ANKS1A: variants seen among roughly 807,000 people sequenced by gnomAD.
ANKS1A encodes ankyrin repeat and SAM domain-containing protein 1A.
A neutral mutation model predicts 120.3 loss-of-function variants in ANKS1A; 55 were observed. That is an observed-to-expected ratio of 0.46 (90% CI 0.37 to 0.57). The LOEUF (loss-of-function observed/expected upper bound fraction) is 0.57, where lower values mean the gene tolerates loss of function less well. Among genes scored for constraint, ANKS1A ranks in the 20% least tolerant of loss-of-function variants. ANKS1A has a pLI of 0.00. For missense variants in ANKS1A, 1,123 were observed against 1,480.3 expected (o/e 0.76, Z 3.96); for synonymous variants, 590 against 604.7 (o/e 0.98, Z 0.36).
intron 1 of ANKS1A, among the ~76,000 whole-genome samples, chr6:34,923,510 A>G (rs1022255429): frequency 6.6e-6 from 1 of 152,246 alleles, no homozygotes; most frequent in African/African-American, 2.4e-5. Flanking sequence ...AGGTACAGGC[A>G]GAAGAGCATT....
At chr6:35,067,889 T>TA (rs2024955117) in intron 13 of ANKS1A, among the ~76,000 whole-genome samples, 1 of 48,236 alleles carries the variant, frequency 2.1e-5, no homozygotes, top group Admixed American at 1.9e-4. Flanking sequence ...ATTTTCAATT[T>TA]TTTTTTTTTT....
chr6:34,955,598 T>C (rs1375012971), intron 1 of ANKS1A, among the ~76,000 whole-genome samples: 4 of 152,162 alleles, frequency 2.6e-5, no homozygotes, highest in Non-Finnish European at 5.9e-5. Flanking sequence ...TCTCCAGATA[T>C]GGTCTCTAGG....
intron 9 of ANKS1A, among the ~76,000 whole-genome samples, chr6:34,991,973 A>G (rs1206809965): frequency 6.6e-6 from 1 of 152,130 alleles, no homozygotes; most frequent in Non-Finnish European, 1.5e-5. Context: ...GGAAGGCTCA[A>G]AGAAAAGCAG....
intron 1 of ANKS1A, among the ~76,000 whole-genome samples, chr6:34,908,607 C>T (rs1767755233): frequency 6.6e-6 from 1 of 152,176 alleles, no homozygotes; most frequent in Non-Finnish European, 1.5e-5. Flanking sequence ...TATGTTGTGA[C>T]AGAATGATTA....
chr6:34,967,342 C>T, intron 2 of ANKS1A, 23 bp downstream of exon 2: 4 of 1,607,474 alleles, frequency 2.5e-6, no homozygotes, highest in Non-Finnish European at 3.4e-6. Flanking sequence ...GTACTACATT[C>T]CTGCCTTCAC....
At chr6:34,972,254 T>A (rs543661408) in intron 3 of ANKS1A, among the ~76,000 whole-genome samples, 2 of 152,240 alleles carry the variant, frequency 1.3e-5, no homozygotes, top group East Asian at 3.9e-4. Context: ...CCCAGCCCAG[T>A]GCTTTGAGTA....
chr6:35,055,163 C>T (rs1003399953), intron 12 of ANKS1A, among the ~76,000 whole-genome samples: 2 of 152,092 alleles, frequency 1.3e-5, no homozygotes, highest in East Asian at 1.9e-4. Flanking sequence ...CTGGTGGGGA[C>T]GGGCTGGGCT....
intron 13 of ANKS1A, chr6:35,071,103 T>C: frequency 3.1e-6 from 1 of 326,516 alleles, no homozygotes; most frequent in Non-Finnish European, 5.8e-6. Context: ...TTTCAACTAG[T>C]TGCCAATCAG....
intron 11 of ANKS1A, among the ~76,000 whole-genome samples, chr6:35,026,813 T>C (rs1774649261): frequency 6.6e-6 from 1 of 152,256 alleles, no homozygotes; most frequent in African/African-American, 2.4e-5. Flanking sequence ...TCTTTAGTCA[T>C]GATTGCTACC....
chr6:34,996,223 T>C (rs1421448893), intron 10 of ANKS1A, among the ~76,000 whole-genome samples: 1 of 152,208 alleles, frequency 6.6e-6, no homozygotes, highest in Non-Finnish European at 1.5e-5. Context: ...ATGTGATTAG[T>C]TACCATCCTT....
At chr6:34,917,041 A>G (rs1211041033) in intron 1 of ANKS1A, among the ~76,000 whole-genome samples, 4 of 152,206 alleles carry the variant, frequency 2.6e-5, no homozygotes, top group African/African-American at 9.6e-5. Flanking sequence ...CTTTATTTAG[A>G]CACACAAGTC....
chr6:34,982,003 G>A lies in ANKS1A; in HGVS notation c.732+17G>A. 1 of 1,612,066 alleles carries A rather than the reference G, an allele frequency of 6.2e-7. No homozygotes were observed. The highest frequency in any genetic ancestry group is 8.5e-7 in the Non-Finnish European group (1 of 1,178,730). On this transcript the variant is annotated intron_variant, in intron 4 of 23. Transcript: ENST00000360359. This position sits in a 1 kb window ranked among gnomAD's most constrained non-coding sequence, Gnocchi z 4.9. ...AACTACCAGGTAGCAGGGCGGGTGGGGGCTCCTCCAATCTCAAGAGACTCA... is the reference window on the plus strand; with the variant it reads ...AACTACCAGGTAGCAGGGCGGGTGGAGGCTCCTCCAATCTCAAGAGACTCA...
chr6:34,931,378 C>T (rs932971583), intron 1 of ANKS1A, among the ~76,000 whole-genome samples: 2 of 152,146 alleles, frequency 1.3e-5, no homozygotes, highest in African/African-American at 4.8e-5. Context: ...GAACTCCTGA[C>T]CTCAGGTGAT....
Position 35,090,365 on chromosome 6 carries a change from A to C in ANKS1A, c.*1756A>C. The C allele has an allele frequency of 3.2e-6, 4 of 1,260,358 alleles. No individual in the cohort carries two copies. The highest frequency in any genetic ancestry group is 4.1e-6 in the Non-Finnish European group (4 of 972,556). The allele number at this position is 1,260,358 out of a possible 1,614,324, so 78.1% of individuals were successfully genotyped here. ...ACATGCTGGTGCCCGTCTTCCTCCT[A>C]AGGGGCCAGGCCACATCCAAGTGGG... is the stretch of plus-strand genomic sequence containing the variant. On this transcript the variant is annotated 3_prime_UTR_variant, in exon 24 of 24. Transcript: ENST00000360359.
intron 1 of ANKS1A, among the ~76,000 whole-genome samples, chr6:34,908,832 A>G (rs544317301): frequency 6.6e-6 from 1 of 152,052 alleles, no homozygotes; most frequent in East Asian, 1.9e-4. Flanking sequence ...TTGACTTCCA[A>G]GCCTCATCTT....
downstream of ANKS1A, among the ~76,000 whole-genome samples, chr6:35,093,856 G>A (rs1032071702): frequency 2.6e-5 from 4 of 152,188 alleles, no homozygotes; most frequent in South Asian, 8.3e-4. Flanking sequence ...GATCAGCAAA[G>A]GCCAAGACCT....
chr6:35,090,822 G>A lies in ANKS1A; in HGVS notation c.*2213G>A, dbSNP rs1209709678. The A allele has an allele frequency of 1.3e-5, 13 of 985,976 alleles. No individual in the cohort carries two copies. The South Asian group carries it at 5.6e-4, about 43-fold the overall frequency. 61.1% of individuals were successfully genotyped at this position (985,976 alleles called of 1,614,324 possible). ...CCCATTCGGGTGGGAGACTTCAGAT[G>A]GGCTCAGTACCTGTCCCAGCCACAG... On this transcript the variant is annotated 3_prime_UTR_variant, in exon 24 of 24. Coordinates refer to ENST00000360359, the MANE Select transcript of ANKS1A (RefSeq NM_015245.3).
chr6:34,918,845 TA>T lies in ANKS1A; in HGVS notation c.197+29247del, dbSNP rs551653901. Among the ~76,000 whole-genome samples the T allele has an allele frequency of 5.8e-3, 890 of 152,244 alleles. 11 individuals are homozygous for T. The highest frequency in any genetic ancestry group is 0.017 in the African/African-American group (713 of 41,548). ...TACATTTTGAGCTTTATATACACTT[TA>T]TTTTTTTTATTTAATTTTTTATTGA... is the stretch of plus-strand genomic sequence containing the variant. On this transcript the variant is annotated intron_variant, in intron 1 of 23. Coordinates refer to ENST00000360359, the MANE Select transcript of ANKS1A (RefSeq NM_015245.3).
intron 10 of ANKS1A, among the ~76,000 whole-genome samples, chr6:34,997,015 T>A (rs781038714): frequency 2.0e-5 from 3 of 152,188 alleles, no homozygotes; most frequent in Non-Finnish European, 4.4e-5. Context: ...AGTTCCATTG[T>A]CTTTCCCATT....
Sources: allele counts gnomAD v4.1 joint callset (sites outside exome capture counted in the v4.1 genomes callset), GRCh38; gene constraint gnomAD v4.1.1; non-coding constraint Gnocchi (gnomAD v3.1); transcripts MANE v1.5; gene names NCBI Gene and HGNC (gene_info 2026-07-23, HGNC 2026-07-21).